Variants in PREX2 observed in about 807,000 individuals in gnomAD.
PREX2 encodes phosphatidylinositol-3,4,5-trisphosphate dependent Rac exchange factor 2.
Under a neutral mutation model 203.2 loss-of-function variants are expected in PREX2, and 107 were observed. The observed-to-expected ratio is 0.53, with a 90% CI of 0.45 to 0.62. The LOEUF is 0.62. PREX2 is among the 20% of genes least tolerant of loss of function. The pLI is 0.00. For missense variants in PREX2, 1,777 were observed against 1,955.9 expected, an observed-to-expected ratio of 0.91 and a Z score of 1.72; for synonymous variants, 672 against 663.6, an observed-to-expected ratio of 1.01 and a Z score of -0.19.
At position 68,191,807 on chromosome 8, in the gene PREX2, A is replaced by G. The variant is rs200066319; in HGVS notation, c.4413+19A>G. 15 of 1,497,848 alleles carry G rather than the reference A, an allele frequency of 1.0e-5. No homozygotes were observed. In the East Asian group the frequency reaches 2.5e-4, roughly 25 times the overall value. 92.8% of individuals were successfully genotyped at this position (1,497,848 alleles called of 1,614,324 possible). A position where few individuals can be genotyped will look rare whatever the true frequency, so the allele number is the denominator to read the frequency against. ...AGATAAGGTAAAAACAGATGATTAT[A>G]TTTATTGGTGCTTTTTAATTTAAAT... On this transcript the variant is annotated intron_variant, in intron 36 of 39. Coordinates refer to ENST00000288368, the MANE Select transcript of PREX2 (RefSeq NM_024870.4).
chr8:68,064,490 T>C (rs1808956741), intron 11 of PREX2, among the ~76,000 whole-genome samples: 1 of 151,816 alleles, frequency 6.6e-6, no homozygotes, highest in South Asian at 2.1e-4. Flanking sequence ...TACCTTAGCC[T>C]TGTGAGTAGT....
rs1813229604 is a variant in PREX2 at position 68,234,519 on chromosome 8, C to T, written c.*3141C>T. The T allele has an allele frequency of 6.6e-6, 1 of 151,962 alleles. No homozygotes were observed. Among genetic ancestry groups the T allele is most frequent in the African/African-American group, 2.4e-5 (1 of 41,346 alleles). 9.4% of individuals were successfully genotyped at this position (151,962 alleles called of 1,614,324 possible). On this transcript the variant is annotated 3_prime_UTR_variant, in exon 40 of 40. Transcript: ENST00000288368. Reference sequence around the variant, plus strand: ...TTTCTAATATTAATTCCAAATATTACAAAATTTAATGTGATATTAAAGTAT... The same window carrying T: ...TTTCTAATATTAATTCCAAATATTATAAAATTTAATGTGATATTAAAGTAT...
chr8:68,164,690 C>A (rs1811725519), intron 35 of PREX2, among the ~76,000 whole-genome samples: 2 of 149,626 alleles, frequency 1.3e-5, no homozygotes, highest in South Asian at 4.2e-4. Flanking sequence ...TCAAATGATT[C>A]TCCTGCCTCA....
chr8:68,142,964 G>T (rs1032809128), intron 33 of PREX2, among the ~76,000 whole-genome samples: 5 of 152,172 alleles, frequency 3.3e-5, no homozygotes, highest in African/African-American at 9.7e-5. Flanking sequence ...GGTGTTGTCA[G>T]TGTTCTGGAT....
chr8:68,040,155 A>G (rs906707096), intron 7 of PREX2, among the ~76,000 whole-genome samples: 1 of 152,038 alleles, frequency 6.6e-6, no homozygotes, highest in Non-Finnish European at 1.5e-5. Context: ...CAGGCTCCCA[A>G]GTAATTGGCA....
chr8:67,965,322 G>C (rs185843134), intron 1 of PREX2, among the ~76,000 whole-genome samples: 1 of 151,964 alleles, frequency 6.6e-6, no homozygotes, highest in Non-Finnish European at 1.5e-5. Context: ...AAGTCCTCTG[G>C]GATCATTTTG....
chr8:68,012,486 A>G (rs1248965120), intron 1 of PREX2, among the ~76,000 whole-genome samples: 1 of 152,202 alleles, frequency 6.6e-6, no homozygotes, highest in African/African-American at 2.4e-5. Context: ...AGCAACAATC[A>G]AGAGGCTTTC....
At chr8:68,119,788 T>C (rs1810732329) in intron 28 of PREX2, among the ~76,000 whole-genome samples, 1 of 152,208 alleles carries the variant, frequency 6.6e-6, no homozygotes, top group South Asian at 2.1e-4. Flanking sequence ...TTTTTTGTTT[T>C]TTTGTTTTCA....
intron 11 of PREX2, 58 bp from the exon 12 acceptor site, chr8:68,068,964 ATTTATTTGCTG>A: frequency 1.7e-6 from 1 of 602,118 alleles, no homozygotes. Flanking sequence ...TATTTAATAA[ATTTATTTGCTG>A]TTTATCTGCC....
At chr8:68,224,777 G>T in intron 39 of PREX2, 151 bp downstream of exon 39, 1 of 583,288 alleles carries the variant, frequency 1.7e-6, no homozygotes. Context: ...CAATGGCTAA[G>T]TGTGATTACA....
At chr8:68,092,085 C>T (rs1245753142) in intron 20 of PREX2, among the ~76,000 whole-genome samples, 1 of 152,172 alleles carries the variant, frequency 6.6e-6, no homozygotes. Flanking sequence ...TTCCATGTGG[C>T]AGGTCACCCT....
chr8:68,102,282 C>A (rs1563546396), intron 23 of PREX2, among the ~76,000 whole-genome samples: 1 of 152,146 alleles, frequency 6.6e-6, no homozygotes, highest in Non-Finnish European at 1.5e-5. Flanking sequence ...AATGTAGTCT[C>A]ACTTGTGTTT....
intron 35 of PREX2, among the ~76,000 whole-genome samples, chr8:68,182,173 A>G (rs1304453693): frequency 6.6e-6 from 1 of 152,186 alleles, no homozygotes; most frequent in African/African-American, 2.4e-5. Context: ...GCAAAAGTAT[A>G]TAAGCTAAGA....
rs182574075 is a variant in PREX2 at position 68,184,584 on chromosome 8, G to T, written c.4347-7138G>T. Among the ~76,000 whole-genome samples, 229 of 152,286 alleles carry T rather than the reference G, an allele frequency of 1.5e-3. 2 individuals are homozygous for T. The highest frequency in any genetic ancestry group is 5.4e-3 in the African/African-American group (226 of 41,558). ...GACCAAGTGAGAACTTTCTGTAAAT[G>T]ATTATAAATATGGAGAATATCTCAT... On this transcript the variant is annotated intron_variant, in intron 35 of 39. Coordinates refer to ENST00000288368, the MANE Select transcript of PREX2 (RefSeq NM_024870.4).
At chr8:68,218,834 T>C (rs1477574891) in intron 38 of PREX2, among the ~76,000 whole-genome samples, 1 of 152,104 alleles carries the variant, frequency 6.6e-6, no homozygotes, top group Non-Finnish European at 1.5e-5. Flanking sequence ...ACCAAGATCT[T>C]AGAAGGTCCA....
intron 37 of PREX2, among the ~76,000 whole-genome samples, chr8:68,211,659 T>C (rs150769408): frequency 2.2e-3 from 335 of 152,308 alleles, no homozygotes; most frequent in Non-Finnish European, 3.9e-3. Context: ...AACCCTTCTG[T>C]TGTCAGCTGC....
At chr8:68,204,689 T>TA (rs1812577236) in intron 37 of PREX2, among the ~76,000 whole-genome samples, 1 of 138,886 alleles carries the variant, frequency 7.2e-6, no homozygotes, top group East Asian at 2.1e-4. Flanking sequence ...TTTTTTTTTT[T>TA]TTTTTTTTTT....
chr8:68,140,141 T>G (rs1339518330), intron 33 of PREX2, among the ~76,000 whole-genome samples: 1 of 152,180 alleles, frequency 6.6e-6, no homozygotes, highest in East Asian at 1.9e-4. Flanking sequence ...ACTGCATATC[T>G]ACTGTGAAAG....
chr8:68,129,586 CT>C (rs1810960981), intron 31 of PREX2, among the ~76,000 whole-genome samples: 1 of 151,930 alleles, frequency 6.6e-6, no homozygotes, highest in South Asian at 2.1e-4. Flanking sequence ...TTTATTTTCC[CT>C]GCAATCTCTG....
Sources: allele counts gnomAD v4.1 joint callset (sites outside exome capture counted in the v4.1 genomes callset), GRCh38; gene constraint gnomAD v4.1.1; transcripts MANE v1.5; gene names NCBI Gene and HGNC (gene_info 2026-07-23, HGNC 2026-07-21).